Variants in MYO3B observed in about 807,000 individuals in gnomAD.
The protein encoded by MYO3B is myosin-IIIb.
In MYO3B, 156 loss-of-function variants were observed where a neutral mutation model predicts 174.6. That is an observed-to-expected ratio of 0.89 (90% CI 0.78 to 1.02). The LOEUF (loss-of-function observed/expected upper bound fraction) is 1.02. Ranked by LOEUF, MYO3B falls within the 50% of genes least tolerant of loss-of-function variation. The pLI is 0.00. For synonymous variants in MYO3B, 563 were observed against 569.1 expected, an observed-to-expected ratio of 0.99 and a Z score of 0.15; for missense variants, 1,632 against 1,639.4, an observed-to-expected ratio of 1.00 and a Z score of 0.08.
At chr2:170,420,329 G>GA (rs1458781037) in intron 22 of MYO3B, among the ~76,000 whole-genome samples, 2 of 152,208 alleles carry the variant, frequency 1.3e-5, no homozygotes, top group African/African-American at 4.8e-5. Context: ...CATCTTCATA[G>GA]AAAGCTGAGT....
intron 32 of MYO3B, among the ~76,000 whole-genome samples, chr2:170,624,094 T>C (rs1007149927): frequency 3.3e-5 from 5 of 152,228 alleles, no homozygotes; most frequent in African/African-American, 1.2e-4. Context: ...AAGTAGTTTT[T>C]TCCAATTCTG....
chr2:170,256,493 A>G (rs1180402594), intron 7 of MYO3B, among the ~76,000 whole-genome samples: 1 of 152,200 alleles, frequency 6.6e-6, no homozygotes, highest in Non-Finnish European at 1.5e-5. Flanking sequence ...ACCATTTTTC[A>G]AAGAAAAGAA....
intron 32 of MYO3B, among the ~76,000 whole-genome samples, chr2:170,586,786 G>A (rs1023519370): frequency 6.6e-6 from 1 of 152,216 alleles, no homozygotes; most frequent in African/African-American, 2.4e-5. Flanking sequence ...TGATGGCTGG[G>A]AGCCAAATCT....
At chr2:170,233,846 C>T (rs2093038518) in intron 6 of MYO3B, among the ~76,000 whole-genome samples, 1 of 152,186 alleles carries the variant, frequency 6.6e-6, no homozygotes, top group African/African-American at 2.4e-5. Context: ...TCTATCACTG[C>T]CATAACAATA....
chr2:170,370,285 T>C (rs774675287), intron 9 of MYO3B, among the ~76,000 whole-genome samples: 2 of 152,186 alleles, frequency 1.3e-5, no homozygotes, highest in Non-Finnish European at 2.9e-5. Context: ...TATTCATGTA[T>C]TCTGCAGAAA....
chr2:170,377,030 A>G (rs12464766), intron 9 of MYO3B, among the ~76,000 whole-genome samples: 50,667 of 152,062 alleles, frequency 0.33, 9,549 homozygotes, highest in African/African-American at 0.52. Flanking sequence ...GTACCTACCT[A>G]CATGGAAGCC....
chr2:170,295,052 GA>G (rs2093620803), intron 7 of MYO3B, among the ~76,000 whole-genome samples: 1 of 151,898 alleles, frequency 6.6e-6, no homozygotes, highest in South Asian at 2.1e-4. Context: ...TATTACTGAT[GA>G]ATGGTTACCT....
chr2:170,277,574 A>T (rs1268166718), intron 7 of MYO3B, among the ~76,000 whole-genome samples: 2 of 152,166 alleles, frequency 1.3e-5, no homozygotes, highest in Non-Finnish European at 2.9e-5. Context: ...TCCTTTATAA[A>T]TGGCTTCATC....
chr2:170,653,358 C>T lies in MYO3B; in HGVS notation c.*237C>T, dbSNP rs1699127287. 1 of 539,218 alleles carries T rather than the reference C, an allele frequency of 1.9e-6. No homozygotes were observed. Among genetic ancestry groups the T allele is most frequent in the African/African-American group, 1.9e-5 (1 of 53,092 alleles). 33.4% of individuals were successfully genotyped at this position (539,218 alleles called of 1,614,324 possible). ...GCCTTCCTTTCTCATCCCATGGGGC[C>T]CTGTGGGACACTGAGAACACCTTTA... is the stretch of plus-strand genomic sequence containing the variant. On this transcript the variant is annotated 3_prime_UTR_variant, in exon 35 of 35. Transcript: ENST00000408978.
chr2:170,538,315 A>G (rs139294706), intron 30 of MYO3B, among the ~76,000 whole-genome samples: 5 of 152,166 alleles, frequency 3.3e-5, no homozygotes, highest in African/African-American at 4.8e-5. Context: ...ATAAAATCAC[A>G]CTCGCATTGT....
At chr2:170,195,301 T>C (rs1040526954) in intron 1 of MYO3B, among the ~76,000 whole-genome samples, 6 of 151,910 alleles carry the variant, frequency 3.9e-5, no homozygotes, top group Admixed American at 3.3e-4. Flanking sequence ...TGTACCCATA[T>C]AAACCTCAAA....
intron 30 of MYO3B, among the ~76,000 whole-genome samples, chr2:170,522,035 T>C (rs1688699524): frequency 6.6e-6 from 1 of 152,106 alleles, no homozygotes; most frequent in Non-Finnish European, 1.5e-5. Context: ...TGCTCAGAGG[T>C]ATTCTCAGTC....
intron 30 of MYO3B, among the ~76,000 whole-genome samples, chr2:170,525,702 C>T (rs1050508152): frequency 6.6e-6 from 1 of 152,176 alleles, no homozygotes; most frequent in African/African-American, 2.4e-5. Context: ...CATATTTCTC[C>T]TGTGTGTCAT....
intron 34 of MYO3B, 36 bp from the exon 35 acceptor site, chr2:170,652,947 T>C (rs776465929): frequency 2.5e-6 from 4 of 1,611,422 alleles, no homozygotes; most frequent in Non-Finnish European, 3.4e-6. Flanking sequence ...TTTGTTTTAT[T>C]TTTTGTTGAA....
chr2:170,643,377 T>C (rs1861288), intron 32 of MYO3B, among the ~76,000 whole-genome samples: 53,791 of 151,974 alleles, frequency 0.35, 12,132 homozygotes, highest in African/African-American at 0.64. Flanking sequence ...GAGTACCATG[T>C]GCATGGTCAA....
At chr2:170,587,849 G>T (rs1293470802) in intron 32 of MYO3B, among the ~76,000 whole-genome samples, 1 of 152,208 alleles carries the variant, frequency 6.6e-6, no homozygotes, top group African/African-American at 2.4e-5. Context: ...GAATCTGTGA[G>T]TGCTGATATG....
intron 25 of MYO3B, among the ~76,000 whole-genome samples, chr2:170,471,643 G>A (rs1027526047): frequency 1.3e-5 from 2 of 152,090 alleles, no homozygotes; most frequent in African/African-American, 4.8e-5. Context: ...ACACCATTTT[G>A]TTGAAAATAC....
At chr2:170,262,532 C>T (rs910388093) in intron 7 of MYO3B, among the ~76,000 whole-genome samples, 2 of 152,164 alleles carry the variant, frequency 1.3e-5, no homozygotes, top group Admixed American at 1.3e-4. Context: ...AAGCTTGTAA[C>T]AAGCAAATCA....
chr2:170,466,427 A>C lies in MYO3B; in HGVS notation c.2809-79A>C, dbSNP rs1392750396. 3.0e-6 allele frequency: 4 copies of C among 1,336,634 alleles called. No individual in the cohort carries two copies. The African/African-American group carries it at 4.3e-5, about 14-fold the overall frequency. The allele number at this position is 1,336,634 out of a possible 1,614,324, so 82.8% of individuals were successfully genotyped here. A position where few individuals can be genotyped will look rare whatever the true frequency, so the allele number is the denominator to read the frequency against. On this transcript the variant is annotated intron_variant, in intron 24 of 34. Coordinates refer to ENST00000408978, the MANE Select transcript of MYO3B (RefSeq NM_138995.5). ...GTCTGTGAGCCTCGAACTGCTCCAGAGGCTTCTGCGGGCCTGTGTTGTAAC... is the reference window on the plus strand; with the variant it reads ...GTCTGTGAGCCTCGAACTGCTCCAGCGGCTTCTGCGGGCCTGTGTTGTAAC...
Sources: gnomAD v4.1 joint callset for allele counts (sites outside exome capture counted in the v4.1 genomes callset) on GRCh38, gnomAD v4.1.1 for gene constraint, MANE v1.5 for transcripts, NCBI Gene and HGNC (gene_info 2026-07-23, HGNC 2026-07-21) for gene names.